CWC22: variants seen among roughly 807,000 people sequenced by gnomAD.
The protein encoded by CWC22 is pre-mRNA-splicing factor CWC22 homolog.
In CWC22, 53 loss-of-function variants were observed where a neutral mutation model predicts 117.2. The ratio of observed to expected loss-of-function variants is 0.45; its 90% CI spans 0.36 to 0.57. The LOEUF is 0.57. Ranked by LOEUF, CWC22 falls within the 20% of genes least tolerant of loss-of-function variation. The pLI is 0.00. For missense variants in CWC22, 980 were observed against 1,068.8 expected (o/e 0.92, Z 1.16); for synonymous variants, 360 against 355.6 (o/e 1.01, Z -0.14).
intron 13 of CWC22, among the ~76,000 whole-genome samples, chr2:179,961,224 GTTAA>G (rs1026311977): frequency 9.9e-5 from 15 of 151,992 alleles, no homozygotes; most frequent in African/African-American, 3.6e-4. Flanking sequence ...AACTCAATTT[GTTAA>G]TTGTTTATTG....
chr2:179,964,987 T>C (rs1001064334), intron 12 of CWC22, among the ~76,000 whole-genome samples: 7 of 152,184 alleles, frequency 4.6e-5, no homozygotes, highest in Non-Finnish European at 1.0e-4. Flanking sequence ...GTATAACTCA[T>C]GCGTAAAAAT....
chr2:179,948,131 T>A (rs1016595286), intron 19 of CWC22, among the ~76,000 whole-genome samples: 2 of 152,186 alleles, frequency 1.3e-5, no homozygotes, highest in Non-Finnish European at 2.9e-5. Flanking sequence ...GATACAATTT[T>A]AAAATGTTGC....
intron 1 of CWC22, among the ~76,000 whole-genome samples, chr2:179,995,829 T>TA (rs1226605246): frequency 6.6e-6 from 1 of 152,184 alleles, no homozygotes; most frequent in African/African-American, 2.4e-5. Context: ...CAAGGGTGGC[T>TA]AAAACTGATG....
chr2:179,952,949 C>T (rs933198751), intron 16 of CWC22, among the ~76,000 whole-genome samples: 4 of 151,958 alleles, frequency 2.6e-5, no homozygotes, highest in African/African-American at 9.7e-5. Context: ...GGGCAAAATG[C>T]CACTTAGCAC....
chr2:179,971,464 A>T (rs1221012519), intron 8 of CWC22, among the ~76,000 whole-genome samples: 1 of 152,168 alleles, frequency 6.6e-6, no homozygotes, highest in East Asian at 1.9e-4. Context: ...TAGTAATATG[A>T]TTTATAATAC....
At chr2:179,950,958 A>G in intron 17 of CWC22, 32 bp from the exon 18 acceptor site, 1 of 1,295,864 alleles carries the variant, frequency 7.7e-7, no homozygotes, top group South Asian at 1.3e-5. Flanking sequence ...AAAAGAGAAC[A>G]CATTGCTTAA....
intron 13 of CWC22, among the ~76,000 whole-genome samples, chr2:179,960,800 G>A (rs1332972442): frequency 6.6e-6 from 1 of 151,980 alleles, no homozygotes; most frequent in Non-Finnish European, 1.5e-5. Context: ...GTCATTTCTT[G>A]AAATGTATAT....
intron 14 of CWC22, among the ~76,000 whole-genome samples, chr2:179,957,238 A>T (rs2105513275): frequency 6.6e-6 from 1 of 152,298 alleles, no homozygotes; most frequent in East Asian, 1.9e-4. Context: ...GCCAGTGTAC[A>T]AACAAGCACA....
At chr2:179,971,154 T>A in intron 8 of CWC22, 78 bp from the exon 9 acceptor site, 1 of 1,028,404 alleles carries the variant, frequency 9.7e-7, no homozygotes, top group Non-Finnish European at 1.3e-6. Flanking sequence ...TTCTAAAAAT[T>A]AGTAAATCTG....
chr2:179,990,379 A>C (rs1291805480), intron 2 of CWC22, among the ~76,000 whole-genome samples: 1 of 152,196 alleles, frequency 6.6e-6, no homozygotes, highest in Non-Finnish European at 1.5e-5. Context: ...CTGATCACTT[A>C]TTATAAGACA....
chr2:179,966,007 G>GA (rs764626763), intron 11 of CWC22, 25 bp from the exon 12 acceptor site: 29 of 1,572,222 alleles, frequency 1.8e-5, no homozygotes, highest in Non-Finnish European at 2.4e-5. Context: ...GTAAGTTTAG[G>GA]AAAAAAATGT....
chr2:179,971,139 A>G (rs1687023205), intron 8 of CWC22, 63 bp from the exon 9 acceptor site: 4 of 1,149,764 alleles, frequency 3.5e-6, no homozygotes, highest in South Asian at 1.9e-5. Flanking sequence ...AATTATTTTT[A>G]TAATTTCTAA....
intron 4 of CWC22, among the ~76,000 whole-genome samples, chr2:179,986,024 T>C (rs963890865): frequency 6.6e-6 from 1 of 152,080 alleles, no homozygotes; most frequent in Non-Finnish European, 1.5e-5. Context: ...CAATGAAACA[T>C]GAATGGCACT....
chr2:179,994,815 G>T (rs1366618605), intron 1 of CWC22, among the ~76,000 whole-genome samples: 3 of 152,162 alleles, frequency 2.0e-5, no homozygotes, highest in Admixed American at 2.0e-4. Flanking sequence ...CTTGTTTTCA[G>T]CTGGCAAGTT....
At chr2:179,973,051 GT>G in intron 8 of CWC22, 141 bp downstream of exon 8, 1 of 415,130 alleles carries the variant, frequency 2.4e-6, no homozygotes. Context: ...ATTTATTATA[GT>G]TTTAAAATGA....
At position 179,954,962 on chromosome 2, in the gene CWC22, C is replaced by T; in HGVS notation, c.1531G>A (p.Ala511Thr). ...CAGTAGAGGCTGGAACTCACCCCAG[C>T]TAATAAGCCAAAAAATTTTTCGTAT... is the stretch of plus-strand genomic sequence containing the variant. ...RTYEKFFGLL[A>T]GRFCMLKKEY... The change falls in exon 15 of 20, where the codon GCT (alanine) becomes ACT (threonine). Residue 511 changes from alanine (A) to threonine (T), a missense_variant. By Grantham distance (58) the Ala-to-Thr change is moderately conservative. Transcript: ENST00000410053. The T allele has an allele frequency of 6.3e-7, 1 of 1,582,680 alleles. No homozygotes were observed.
intron 2 of CWC22, among the ~76,000 whole-genome samples, chr2:179,990,780 T>C (rs1304404124): frequency 6.6e-6 from 1 of 152,186 alleles, no homozygotes; most frequent in Non-Finnish European, 1.5e-5. Context: ...ATATTGAAGT[T>C]GTGAAGAAGG....
intron 14 of CWC22, among the ~76,000 whole-genome samples, chr2:179,957,573 C>G (rs1290317485): frequency 1.3e-5 from 2 of 152,182 alleles, no homozygotes; most frequent in Non-Finnish European, 2.9e-5. Flanking sequence ...CCACCGCAGG[C>G]TGCCAACCTC....
chr2:179,950,815 T>G lies in CWC22; in HGVS notation c.1919+10A>C. 1 of 1,601,568 alleles carries G rather than the reference T, an allele frequency of 6.2e-7. No individual in the cohort carries two copies. The highest frequency in any genetic ancestry group is 8.5e-7 in the Non-Finnish European group (1 of 1,170,718). On this transcript the variant is annotated intron_variant, in intron 18 of 19. Coordinates refer to ENST00000410053, the MANE Select transcript of CWC22 (RefSeq NM_020943.3). ...ATAATCTGAACATAAATTCTGAGAA[T>G]AATCCTTACGTTAAACCTCCAAGAC...
Sources: allele counts gnomAD v4.1 joint callset (sites outside exome capture counted in the v4.1 genomes callset), GRCh38; gene constraint gnomAD v4.1.1; transcripts MANE v1.5; gene names NCBI Gene and HGNC (gene_info 2026-07-23, HGNC 2026-07-21).